Variants in GPR19 observed in about 807,000 individuals in gnomAD.
GPR19 encodes the protein probable G protein-coupled receptor 19.
A neutral mutation model predicts 28.5 loss-of-function variants in GPR19; 14 were observed. That is an observed-to-expected ratio of 0.49 (90% CI 0.32 to 0.77). GPR19 has a LOEUF of 0.77. Ranked by LOEUF, GPR19 falls within the 30% of genes least tolerant of loss-of-function variation. GPR19 has a pLI of 0.03. For missense variants in GPR19, 409 were observed against 504.1 expected (o/e 0.81, Z 1.81); for synonymous variants, 173 against 184.1 (o/e 0.94, Z 0.49).
chr12:12,686,544 C>G (rs1439222673), intron 2 of GPR19, among the ~76,000 whole-genome samples: 4 of 152,158 alleles, frequency 2.6e-5, no homozygotes, highest in Non-Finnish European at 5.9e-5. Flanking sequence ...TACATTATGT[C>G]ATTTAATCCT....
the GPR19 span, among the ~76,000 whole-genome samples, chr12:12,708,103 G>C: frequency 7.0e-6 from 1 of 142,206 alleles, no homozygotes; most frequent in Admixed American, 7.7e-5. Flanking sequence ...TGGCTCAAGC[G>C]ATACTCCCAC....
chr12:12,689,266 C>T (rs572258060), intron 2 of GPR19, among the ~76,000 whole-genome samples: 3 of 152,258 alleles, frequency 2.0e-5, no homozygotes, highest in African/African-American at 7.2e-5. Context: ...CGTCCAATAC[C>T]GGGTATTACA....
chr12:12,710,751 G>A, the GPR19 span, among the ~76,000 whole-genome samples: 3 of 152,116 alleles, frequency 2.0e-5, no homozygotes, highest in Non-Finnish European at 4.4e-5. Context: ...ATGTAGGCCA[G>A]GCTGGTCTTG....
chr12:12,662,521 G>A (rs1945695488), intron 3 of GPR19, 51 bp from the exon 4 acceptor site: 2 of 1,297,864 alleles, frequency 1.5e-6, no homozygotes. Flanking sequence ...GTGTCATACA[G>A]ATTGGTTATG....
rs758593030 is a variant in GPR19, at chr12:12,661,641, T to C, written c.808A>G (p.Thr270Ala). ...VRRTMNIVPR[T>A]KVKTIKMFLI... is the part of the protein sequence containing the mutation. ...AACATCTTGATAGTTTTCACTTTTG[T>C]CCGAGGGACAATGTTCATTGTCCTC... Residue 270 changes from threonine (T) to alanine (A), a missense_variant, in exon 4 of 4, where the codon ACA becomes GCA. Physicochemically the swap from Thr to Ala is moderately conservative, Grantham distance 58. Transcript: ENST00000651487. This position sits in a 1 kb window ranked among gnomAD's most constrained non-coding sequence, Gnocchi z 4.2. The C allele has an allele frequency of 2.5e-6, 4 of 1,613,950 alleles. No individual in the cohort carries two copies. The African/African-American group carries it at 5.3e-5, about 22-fold the overall frequency.
the GPR19 span, chr12:12,716,984 A>T: frequency 3.0e-6 from 3 of 993,030 alleles, no homozygotes; most frequent in Non-Finnish European, 2.4e-6. Context: ...CCTCTGGTCC[A>T]GGTCCCGGCT....
At chr12:12,707,367 T>C in the GPR19 span, among the ~76,000 whole-genome samples, 4 of 152,272 alleles carry the variant, frequency 2.6e-5, no homozygotes, top group African/African-American at 7.2e-5. Context: ...ATTTGTCCAT[T>C]GTCTGTCTTC....
rs143853061 is a variant in GPR19, at chr12:12,675,259, C to T, written c.-23+9092G>A. ...AGAGAGAAAGAGGGATAAGTGGAGCCGAGAGGAACAAAGTATCCCCATAGA... is the reference window on the plus strand; with the variant it reads ...AGAGAGAAAGAGGGATAAGTGGAGCTGAGAGGAACAAAGTATCCCCATAGA... On this transcript the variant is annotated intron_variant, in intron 3 of 3. Coordinates refer to ENST00000651487, the MANE Select transcript of GPR19 (RefSeq NM_006143.3). Among the ~76,000 whole-genome samples the T allele has an allele frequency of 1.8e-3, 269 of 152,158 alleles. 4 individuals are homozygous for T. Among genetic ancestry groups the T allele is most frequent in the East Asian group, 0.014 (71 of 5,172 alleles).
chr12:12,697,676 T>A (rs1434819001), upstream of GPR19, among the ~76,000 whole-genome samples: 2 of 152,224 alleles, frequency 1.3e-5, no homozygotes, highest in Non-Finnish European at 2.9e-5. Context: ...TATGGACATG[T>A]GAACAGATGG....
intron 3 of GPR19, among the ~76,000 whole-genome samples, chr12:12,678,762 A>C (rs1945975435): frequency 6.6e-6 from 1 of 152,218 alleles, no homozygotes; most frequent in Non-Finnish European, 1.5e-5. Flanking sequence ...TTTCCCATGA[A>C]AAGTAATGGC....
the GPR19 span, among the ~76,000 whole-genome samples, chr12:12,713,369 G>T: frequency 6.6e-6 from 1 of 151,906 alleles, no homozygotes; most frequent in African/African-American, 2.4e-5. Flanking sequence ...CAGCCCTGAT[G>T]CTCCTGTTAC....
At chr12:12,674,186 T>C (rs1945897910) in intron 3 of GPR19, among the ~76,000 whole-genome samples, 1 of 114,248 alleles carries the variant, frequency 8.8e-6, no homozygotes, top group African/African-American at 3.5e-5. Flanking sequence ...CACTCCAACC[T>C]GGGCGACAGC....
intron 3 of GPR19, among the ~76,000 whole-genome samples, chr12:12,665,819 C>CAAAAAAAAAAAAAAAAAAA (rs528302150): frequency 2.6e-5 from 2 of 75,736 alleles, no homozygotes; most frequent in East Asian, 5.0e-4. Flanking sequence ...GACTCCGTCT[C>CAAAAAAAAAAAAAAAAAAA]AAAAAAAAAA....
the GPR19 span, among the ~76,000 whole-genome samples, chr12:12,708,850 C>T: frequency 1.3e-5 from 2 of 152,106 alleles, no homozygotes; most frequent in Non-Finnish European, 2.9e-5. Flanking sequence ...AGTTCAAGAC[C>T]AGCCTGGCCA....
chr12:12,665,414 A>G (rs1316293606), intron 3 of GPR19, among the ~76,000 whole-genome samples: 3 of 152,240 alleles, frequency 2.0e-5, no homozygotes, highest in East Asian at 3.8e-4. Context: ...GCTCAGAAAC[A>G]GGACGAGGGA....
At position 12,662,103 on chromosome 12, in the gene GPR19, C is replaced by A. The variant is rs41276680; in HGVS notation, c.346G>T (p.Val116Phe). ...AGCAGGACGAAAGGCGTGCTGGCAA[C>A]GCTGATGAGAAGGTCAGCACATGCC... is the stretch of plus-strand genomic sequence containing the variant. ...SMACADLLIS[V>F]ASTPFVLLQF... The change falls in exon 4 of 4, where the codon GTT becomes TTT. Residue 116 changes from valine to phenylalanine, a missense_variant. Transcript: ENST00000651487. 6.2e-7 allele frequency: 1 copy of A among 1,614,180 alleles called. No homozygotes were observed.
Position 12,673,158 on chromosome 12 carries a change from C to T in GPR19, c.-22-10688G>A, listed in dbSNP as rs115768529. On this transcript the variant is annotated intron_variant, in intron 3 of 3. Coordinates refer to ENST00000651487, the MANE Select transcript of GPR19 (RefSeq NM_006143.3). ...CTAAAAAGGTAAGATAATAATTTCCCCACCATCCCTTTCAGTTAGGTGTGG... is the reference window on the plus strand; with the variant it reads ...CTAAAAAGGTAAGATAATAATTTCCTCACCATCCCTTTCAGTTAGGTGTGG... Among the ~76,000 whole-genome samples, 1,130 of 152,284 alleles carry T rather than the reference C, an allele frequency of 7.4e-3. 8 individuals are homozygous for T. Among genetic ancestry groups the T allele is most frequent in the African/African-American group, 0.026 (1,071 of 41,550 alleles).
the GPR19 span, chr12:12,703,305 G>T: frequency 1.2e-6 from 1 of 818,956 alleles, no homozygotes; most frequent in Non-Finnish European, 1.5e-6. Context: ...ATTGGTGGTT[G>T]GGTAAGGTCT....
chr12:12,663,335 C>T (rs895466697), intron 3 of GPR19, among the ~76,000 whole-genome samples: 1 of 151,862 alleles, frequency 6.6e-6, no homozygotes, highest in African/African-American at 2.4e-5. Context: ...GTGGGGAACA[C>T]CTATAGTCCC....
Sources: gnomAD v4.1 joint callset for allele counts (sites outside exome capture counted in the v4.1 genomes callset) on GRCh38, gnomAD v4.1.1 for gene constraint, Gnocchi (gnomAD v3.1) non-coding constraint, MANE v1.5 for transcripts, NCBI Gene and HGNC (gene_info 2026-07-23, HGNC 2026-07-21) for gene names.